Variants in CNTNAP2 observed in about 807,000 individuals in gnomAD.
The protein encoded by CNTNAP2 is contactin-associated protein-like 2.
Under a neutral mutation model 155.2 loss-of-function variants are expected in CNTNAP2, and 98 were observed. The observed-to-expected ratio is 0.63, with a 90% CI of 0.54 to 0.75. CNTNAP2 has a LOEUF of 0.75. CNTNAP2 is among the 30% of genes least tolerant of loss of function. CNTNAP2 has a pLI of 0.00. For synonymous variants in CNTNAP2, 651 were observed against 631.2 expected, an observed-to-expected ratio of 1.03 and a Z score of -0.47; for missense variants, 1,727 against 1,688.1, an observed-to-expected ratio of 1.02 and a Z score of -0.40.
chr7:148,109,016 A>C (rs1299783954), intron 15 of CNTNAP2, among the ~76,000 whole-genome samples: 1 of 152,196 alleles, frequency 6.6e-6, no homozygotes. Context: ...AATCAGGCTC[A>C]GGGGAAAAGC....
chr7:148,149,146 C>T (rs1448949156), intron 17 of CNTNAP2, among the ~76,000 whole-genome samples: 1 of 152,184 alleles, frequency 6.6e-6, no homozygotes, highest in Non-Finnish European at 1.5e-5. Flanking sequence ...CTTGACTCAA[C>T]TTCTCGTTTT....
intron 1 of CNTNAP2, among the ~76,000 whole-genome samples, chr7:146,233,037 T>TGTTAGAGTATAC (rs1799412159): frequency 6.6e-6 from 1 of 152,174 alleles, no homozygotes. Context: ...TTATAGAACA[T>TGTTAGAGTATAC]AATCTACATG....
intron 8 of CNTNAP2, among the ~76,000 whole-genome samples, chr7:147,154,495 A>C (rs1295527622): frequency 6.6e-6 from 1 of 152,236 alleles, no homozygotes; most frequent in African/African-American, 2.4e-5. Context: ...CTTGTTTATC[A>C]TAAACAATTG....
intron 13 of CNTNAP2, among the ~76,000 whole-genome samples, chr7:147,877,463 C>T (rs7806512): frequency 0.53 from 80,622 of 152,008 alleles, 21,516 homozygotes; most frequent in East Asian, 0.61. Flanking sequence ...CTAGAGAATA[C>T]TTAACTAATA....
chr7:146,882,460 TAGTG>T (rs1217128136), intron 3 of CNTNAP2, among the ~76,000 whole-genome samples: 6 of 152,098 alleles, frequency 3.9e-5, no homozygotes, highest in East Asian at 1.9e-4. Flanking sequence ...GTTCTCATCG[TAGTG>T]AGTGAGTTCT....
intron 2 of CNTNAP2, among the ~76,000 whole-genome samples, chr7:146,838,842 T>G (rs1265204028): frequency 6.6e-6 from 1 of 152,122 alleles, no homozygotes; most frequent in Non-Finnish European, 1.5e-5. Flanking sequence ...GATAATCTAT[T>G]GAATATTTTT....
chr7:147,942,402 G>A (rs1192286454), intron 14 of CNTNAP2, among the ~76,000 whole-genome samples: 1 of 152,088 alleles, frequency 6.6e-6, no homozygotes, highest in Non-Finnish European at 1.5e-5. Flanking sequence ...ATGGATAAAT[G>A]TTTTCTGATA....
chr7:147,333,311 A>T (rs1229136968), intron 9 of CNTNAP2, among the ~76,000 whole-genome samples: 4 of 152,222 alleles, frequency 2.6e-5, no homozygotes. Context: ...TATCTAACAC[A>T]TTCACATTTT....
At chr7:146,238,765 C>T (rs1351011993) in intron 1 of CNTNAP2, among the ~76,000 whole-genome samples, 4 of 152,058 alleles carry the variant, frequency 2.6e-5, no homozygotes, top group African/African-American at 9.7e-5. Context: ...CTGGGGAGGC[C>T]TCAGGAAACT....
intron 11 of CNTNAP2, among the ~76,000 whole-genome samples, chr7:147,543,956 T>C (rs1386424885): frequency 6.6e-6 from 1 of 152,230 alleles, no homozygotes; most frequent in African/African-American, 2.4e-5. Flanking sequence ...TTATTATTTA[T>C]TAGTTTTAAA....
chr7:147,577,631 T>C (rs1800419639), intron 12 of CNTNAP2, among the ~76,000 whole-genome samples: 1 of 151,984 alleles, frequency 6.6e-6, no homozygotes, highest in South Asian at 2.1e-4. Context: ...CTATTTCTAT[T>C]AACTGCTCTG....
At chr7:146,191,604 G>T (rs13224183) in intron 1 of CNTNAP2, among the ~76,000 whole-genome samples, 1 of 151,898 alleles carries the variant, frequency 6.6e-6, no homozygotes, top group Non-Finnish European at 1.5e-5. Context: ...ATCTTCAACC[G>T]TATCAACCGT....
At chr7:148,023,236 A>C (rs1382102112) in intron 15 of CNTNAP2, among the ~76,000 whole-genome samples, 1 of 152,196 alleles carries the variant, frequency 6.6e-6, no homozygotes, top group African/African-American at 2.4e-5. Flanking sequence ...AAAATACATT[A>C]TAAGCCTGGG....
At chr7:146,490,904 G>A (rs572702811) in intron 1 of CNTNAP2, among the ~76,000 whole-genome samples, 1 of 152,036 alleles carries the variant, frequency 6.6e-6, no homozygotes, top group Non-Finnish European at 1.5e-5. Context: ...TTCTCACTTT[G>A]TAATGGTGAC....
Position 146,116,957 on chromosome 7 carries a change from G to C in CNTNAP2, c.81G>C (p.Thr27=). 3 of 1,551,874 alleles carry C rather than the reference G, an allele frequency of 1.9e-6. No individual in the cohort carries two copies. The highest frequency in any genetic ancestry group is 1.2e-5 in the South Asian group (1 of 84,138). Residue 27 remains threonine, a synonymous_variant, in exon 1 of 24, where the codon ACG becomes ACC. Coordinates refer to ENST00000361727, the MANE Select transcript of CNTNAP2 (RefSeq NM_014141.6). The surrounding 1 kb of genome is among the most constrained non-coding windows in gnomAD (Gnocchi z 5.5). ...GCAGCTGCCTCTGCAGAGCCTGGAC[G>C]GCTCCCTCCACGTCCCGTAAGTAGC... ...IVSSCLCRAW[T]APSTSQKCDE...
At chr7:146,510,826 AT>A (rs1797454408) in intron 1 of CNTNAP2, among the ~76,000 whole-genome samples, 1 of 151,750 alleles carries the variant, frequency 6.6e-6, no homozygotes, top group Non-Finnish European at 1.5e-5. Context: ...TTTGTATTTA[AT>A]TTTTGTATAA....
At chr7:147,428,450 A>T (rs1443919771) in intron 10 of CNTNAP2, among the ~76,000 whole-genome samples, 1 of 152,148 alleles carries the variant, frequency 6.6e-6, no homozygotes, top group East Asian at 1.9e-4. Context: ...TTAATGATTA[A>T]AATTGGCAAT....
chr7:147,776,235 G>A (rs1355498855), intron 13 of CNTNAP2, among the ~76,000 whole-genome samples: 9 of 147,138 alleles, frequency 6.1e-5, no homozygotes, highest in African/African-American at 5.0e-5. Context: ...TTATTATAAC[G>A]AATATGTTAC....
At chr7:148,411,618 A>G (rs11977248) in intron 23 of CNTNAP2, among the ~76,000 whole-genome samples, 2,515 of 152,130 alleles carry the variant, frequency 0.017, 67 homozygotes, top group African/African-American at 0.058. Context: ...AAGTCTGCCT[A>G]CCCAAAGGTT....
Sources: gnomAD v4.1 joint callset for allele counts (sites outside exome capture counted in the v4.1 genomes callset) on GRCh38, gnomAD v4.1.1 for gene constraint, Gnocchi (gnomAD v3.1) non-coding constraint, MANE v1.5 for transcripts, NCBI Gene and HGNC (gene_info 2026-07-23, HGNC 2026-07-21) for gene names.